Variants in PCCA observed in about 807,000 individuals in gnomAD.
The protein encoded by PCCA is propionyl-CoA carboxylase alpha chain, mitochondrial.
A neutral mutation model predicts 101.3 loss-of-function variants in PCCA; 74 were observed. That is an observed-to-expected ratio of 0.73 (90% CI 0.61 to 0.89). The LOEUF is 0.89. Ranked by LOEUF, PCCA falls within the 40% of genes least tolerant of loss-of-function variation. PCCA has a pLI of 0.00. For missense variants in PCCA, 891 were observed against 907.0 expected, an observed-to-expected ratio of 0.98 and a Z score of 0.23; for synonymous variants, 294 against 313.6, an observed-to-expected ratio of 0.94 and a Z score of 0.66.
chr13:100,274,907 T>G (rs1253914275), intron 12 of PCCA, among the ~76,000 whole-genome samples: 2 of 151,992 alleles, frequency 1.3e-5, no homozygotes, highest in Non-Finnish European at 2.9e-5. Flanking sequence ...GATAAATAGA[T>G]TAGTACTTGC....
At chr13:100,250,512 C>A (rs994713777) in intron 8 of PCCA, among the ~76,000 whole-genome samples, 27 of 151,806 alleles carry the variant, frequency 1.8e-4, no homozygotes, top group African/African-American at 6.5e-4. Flanking sequence ...TCTTATTTAT[C>A]TCATCATGTT....
chr13:100,150,830 A>AT, intron 4 of PCCA: 1 of 1,583,778 alleles, frequency 6.3e-7, no homozygotes, highest in East Asian at 2.2e-5. Flanking sequence ...TAGCTGGTTA[A>AT]CACCATGATG....
At chr13:100,251,194 A>G (rs1594933179) in intron 8 of PCCA, among the ~76,000 whole-genome samples, 1 of 152,224 alleles carries the variant, frequency 6.6e-6, no homozygotes, top group Non-Finnish European at 1.5e-5. Context: ...TTTTAAATAA[A>G]GAATTTATAA....
chr13:100,249,120 G>A (rs1353284800), intron 8 of PCCA, among the ~76,000 whole-genome samples: 1 of 152,116 alleles, frequency 6.6e-6, no homozygotes, highest in African/African-American at 2.4e-5. Context: ...AGTTAAATGT[G>A]CCAATTTTTA....
chr13:100,476,340 A>C (rs1330838209), intron 21 of PCCA, among the ~76,000 whole-genome samples: 1 of 152,368 alleles, frequency 6.6e-6, no homozygotes, highest in East Asian at 1.9e-4. Context: ...TATTTGTCAA[A>C]GCTTCAAATA....
intron 1 of PCCA, among the ~76,000 whole-genome samples, chr13:100,097,978 C>G (rs2046927650): frequency 6.6e-6 from 1 of 151,826 alleles, no homozygotes; most frequent in African/African-American, 2.4e-5. Flanking sequence ...GAGCTATGAT[C>G]CTATCACTAC....
chr13:100,163,686 A>G (rs2054729903), intron 6 of PCCA, among the ~76,000 whole-genome samples: 1 of 152,222 alleles, frequency 6.6e-6, no homozygotes, highest in South Asian at 2.1e-4. Context: ...TCACAGAGTT[A>G]TGTAACCATC....
chr13:100,342,789 A>ATAAC (rs71114686), intron 18 of PCCA, among the ~76,000 whole-genome samples: 105,675 of 150,646 alleles, frequency 0.7, 37,480 homozygotes, highest in Middle Eastern at 0.8. Flanking sequence ...TGGCACAGTC[A>ATAAC]TAACTCCCTG....
intron 16 of PCCA, among the ~76,000 whole-genome samples, chr13:100,316,200 GAT>G (rs1433444808): frequency 6.6e-6 from 1 of 152,162 alleles, no homozygotes; most frequent in Non-Finnish European, 1.5e-5. Flanking sequence ...AAGAAAAAGA[GAT>G]AACGATTTAG....
rs377226569 is a variant in PCCA at position 100,263,964 on chromosome 13, T to G, written c.819+1133T>G. On this transcript the variant is annotated intron_variant, in intron 10 of 23. Coordinates refer to ENST00000376285, the MANE Select transcript of PCCA (RefSeq NM_000282.4). ...ATATATACGGTATCTGTATGTCATA[T>G]ATACGGTATCTGTATGTCATATATA... 1.3e-3 allele frequency among the ~76,000 whole-genome samples: 190 copies of G among 150,970 alleles called. 1 individual carries two copies. The highest frequency in any genetic ancestry group is 4.2e-3 in the African/African-American group (173 of 41,078).
chr13:100,276,184 T>G (rs1329407859), intron 12 of PCCA, among the ~76,000 whole-genome samples: 12 of 126,874 alleles, frequency 9.5e-5, no homozygotes. Context: ...AAGATCAGTC[T>G]GGGTAACATA....
chr13:100,391,278 C>G (rs2076787754), intron 19 of PCCA, among the ~76,000 whole-genome samples: 1 of 152,092 alleles, frequency 6.6e-6, no homozygotes, highest in Admixed American at 6.5e-5. Context: ...AGCCTCTGTT[C>G]CATTTTTATA....
In PCCA at chr13:100,135,642, A is replaced by G. The variant is rs530021281; in HGVS notation, c.301-19337A>G. Among the ~76,000 whole-genome samples the G allele has an allele frequency of 4.0e-5, 6 of 151,830 alleles. No homozygotes were observed. The South Asian group carries it at 6.2e-4, about 16-fold the overall frequency. ...CGATTTTTTTTTCTTTATAATTTGTATGTCTTTTATTTTATTTTTTTCTGT... is the reference window on the plus strand; with the variant it reads ...CGATTTTTTTTTCTTTATAATTTGTGTGTCTTTTATTTTATTTTTTTCTGT... On this transcript the variant is annotated intron_variant, in intron 4 of 23. Coordinates refer to ENST00000376285, the MANE Select transcript of PCCA (RefSeq NM_000282.4).
intron 12 of PCCA, among the ~76,000 whole-genome samples, chr13:100,298,379 A>T (rs1374871920): frequency 6.6e-6 from 1 of 152,094 alleles, no homozygotes; most frequent in East Asian, 1.9e-4. Context: ...TGTTGAACTG[A>T]GATTAACCCG....
intron 9 of PCCA, among the ~76,000 whole-genome samples, chr13:100,260,399 T>TGTG (rs66947557): frequency 0.13 from 16,625 of 130,958 alleles, 1,104 homozygotes; most frequent in Non-Finnish European, 0.16. Context: ...GTGTGTGTGT[T>TGTG]TTTTTTTTTT....
chr13:100,474,507 A>G (rs547273582), intron 21 of PCCA, among the ~76,000 whole-genome samples: 56 of 150,600 alleles, frequency 3.7e-4, no homozygotes, highest in Middle Eastern at 3.4e-3. Context: ...TCATATTGAG[A>G]CAGGATCTCA....
chr13:100,204,182 T>A (rs1055181349), intron 6 of PCCA, among the ~76,000 whole-genome samples: 1 of 150,762 alleles, frequency 6.6e-6, no homozygotes, highest in African/African-American at 2.4e-5. Context: ...CAGGCTGGAG[T>A]GCAGCGGTGC....
chr13:100,252,447 A>G (rs960113814), intron 8 of PCCA, among the ~76,000 whole-genome samples: 1 of 151,972 alleles, frequency 6.6e-6, no homozygotes, highest in Non-Finnish European at 1.5e-5. Flanking sequence ...TTCCTTTCCC[A>G]TTAGTATATT....
chr13:100,346,624 ACT>A (rs113017562), intron 18 of PCCA, among the ~76,000 whole-genome samples: 240 of 152,308 alleles, frequency 1.6e-3, no homozygotes, highest in African/African-American at 5.4e-3. Flanking sequence ...GAGAGGATTG[ACT>A]CTAATTTTGA....
Sources: gnomAD v4.1 joint callset for allele counts (sites outside exome capture counted in the v4.1 genomes callset) on GRCh38, gnomAD v4.1.1 for gene constraint, MANE v1.5 for transcripts, NCBI Gene and HGNC (gene_info 2026-07-23, HGNC 2026-07-21) for gene names.